Variants in ZFHX3 observed in about 807,000 individuals in gnomAD.
ZFHX3 encodes the protein zinc finger homeobox protein 3.
In ZFHX3, 42 loss-of-function variants were observed where a neutral mutation model predicts 279.1. That is an observed-to-expected ratio of 0.15 (90% CI 0.12 to 0.19). The LOEUF (loss-of-function observed/expected upper bound fraction) is 0.19. ZFHX3 is among the 10% of genes least tolerant of loss of function. The probability of loss-of-function intolerance (pLI) is 1.00; values close to 1 mark genes in which losing one functional copy is unlikely to be tolerated. For synonymous variants in ZFHX3, 2,293 were observed against 1,957.8 expected (o/e 1.17, Z -4.52); for missense variants, 4,981 against 4,754.0 (o/e 1.05, Z -1.40).
intron 6 of ZFHX3, among the ~76,000 whole-genome samples, chr16:73,143,546 G>A (rs943666320): frequency 6.6e-6 from 1 of 152,154 alleles, no homozygotes; most frequent in Non-Finnish European, 1.5e-5. Context: ...GAGAAATACG[G>A]CCCGAAAAAT....
Position 73,633,788 on chromosome 16 carries a change from C to T in ZFHX3, c.-1547+46392G>A, listed in dbSNP as rs1166713061. Reference sequence around the variant, plus strand: ...TGGCACATGCCTGTAATCCCAGATACTCAGGAGGCTGAGGTGAGAGAATCG... The same window carrying T: ...TGGCACATGCCTGTAATCCCAGATATTCAGGAGGCTGAGGTGAGAGAATCG... On this transcript the variant is annotated intron_variant, in intron 2 of 17. Transcript: ENST00000641206. Among the ~76,000 whole-genome samples the T allele has an allele frequency of 1.4e-4, 22 of 152,112 alleles. No individual in the cohort carries two copies. The East Asian group carries it at 4.3e-3, about 30-fold the overall frequency.
intron 2 of ZFHX3, among the ~76,000 whole-genome samples, chr16:73,496,304 G>A (rs931633464): frequency 6.6e-6 from 1 of 152,220 alleles, no homozygotes; most frequent in Non-Finnish European, 1.5e-5. Context: ...GCCGAGGCAG[G>A]CAGATCACTT....
intron 4 of ZFHX3, 22 bp from the exon 5 acceptor site, chr16:72,829,881 T>A (rs951638186): frequency 3.7e-6 from 6 of 1,613,724 alleles, no homozygotes; most frequent in East Asian, 2.2e-5. Context: ...GAAAAACATG[T>A]CAAGGGTTAA....
At chr16:73,334,240 A>G (rs895640120) in intron 3 of ZFHX3, among the ~76,000 whole-genome samples, 1 of 152,088 alleles carries the variant, frequency 6.6e-6, no homozygotes, top group Non-Finnish European at 1.5e-5. Flanking sequence ...TCTGCTGAGA[A>G]TAAGCCACAC....
intron 2 of ZFHX3, among the ~76,000 whole-genome samples, chr16:73,577,853 T>C (rs1022018045): frequency 6.6e-6 from 1 of 152,226 alleles, no homozygotes; most frequent in Non-Finnish European, 1.5e-5. Context: ...AAATCATTTG[T>C]ATGGAAGAAA....
chr16:73,306,724 C>T (rs948411400), intron 4 of ZFHX3, among the ~76,000 whole-genome samples: 21 of 152,154 alleles, frequency 1.4e-4, no homozygotes, highest in Admixed American at 1.4e-3. Flanking sequence ...AAGATCAAGG[C>T]CAATTTACCT....
chr16:73,565,522 T>A (rs547050738), intron 2 of ZFHX3, among the ~76,000 whole-genome samples: 1 of 152,298 alleles, frequency 6.6e-6, no homozygotes, highest in Admixed American at 6.5e-5. Context: ...CCTCGAATAC[T>A]CAAGGTTTTC....
At chr16:72,985,797 C>T (rs993208111) in intron 1 of ZFHX3, among the ~76,000 whole-genome samples, 7 of 152,066 alleles carry the variant, frequency 4.6e-5, no homozygotes, top group African/African-American at 1.7e-4. Context: ...TCCGCCCAAC[C>T]AGGGAAGGCA....
intron 4 of ZFHX3, 101 bp from the exon 5 acceptor site, chr16:72,829,960 A>G: frequency 8.4e-7 from 1 of 1,196,542 alleles, no homozygotes; most frequent in Non-Finnish European, 1.2e-6. Flanking sequence ...ACAGACACCA[A>G]TGACTCGTCC....
rs2144435131 is a variant in ZFHX3, at chr16:72,957,771, G to A, written c.2375C>T (p.Ala792Val). Residue 792 changes from alanine (A) to valine (V), a missense_variant, in exon 2 of 10, where the codon GCC (alanine) becomes GTC (valine). Physicochemically the swap from Ala to Val is moderately conservative, Grantham distance 64. Around this residue, in one of 7 missense-constraint regions of ZFHX3, gnomAD observed 1,751 missense variants for 1,770.0 expected, o/e 0.99. Coordinates refer to ENST00000268489, the MANE Select transcript of ZFHX3 (RefSeq NM_006885.4). ...AAANISSSCGAPSPTKPKTKP... is the reference protein window; with the variant it reads ...AAANISSSCGVPSPTKPKTKP... ...GGTTTTTGGTTTGGTCGGCGAGGGG[G>A]CCCCGCAGGAGCTACTGATATTGGC... 1.2e-6 allele frequency: 2 copies of A among 1,614,060 alleles called. No homozygotes were observed. The highest frequency in any genetic ancestry group is 8.5e-7 in the Non-Finnish European group (1 of 1,180,020).
At chr16:72,809,227 G>T (rs2036364202) in intron 7 of ZFHX3, 1 of 152,124 alleles carries the variant, frequency 6.6e-6, no homozygotes, top group Non-Finnish European at 1.5e-5. Flanking sequence ...GATTACTATA[G>T]GCCCACAGTC....
At chr16:73,288,677 C>G (rs1362081661) in intron 4 of ZFHX3, among the ~76,000 whole-genome samples, 1 of 152,138 alleles carries the variant, frequency 6.6e-6, no homozygotes, top group Non-Finnish European at 1.5e-5. Context: ...ATGTCTTGGA[C>G]TGCTTCGTTT....
At chr16:73,150,852 T>G (rs1018625074) in intron 5 of ZFHX3, among the ~76,000 whole-genome samples, 2 of 152,204 alleles carry the variant, frequency 1.3e-5, no homozygotes, top group African/African-American at 2.4e-5. Context: ...GAACTGGATT[T>G]CTTTGTAAAT....
chr16:73,682,092 G>C (rs1293357349), intron 1 of ZFHX3, among the ~76,000 whole-genome samples: 3 of 152,204 alleles, frequency 2.0e-5, no homozygotes, highest in Non-Finnish European at 4.4e-5. Context: ...CAGCAAAGCA[G>C]TAGTGTACTT....
chr16:73,553,193 CTT>C (rs748858336), intron 2 of ZFHX3, among the ~76,000 whole-genome samples: 4 of 141,224 alleles, frequency 2.8e-5, no homozygotes, highest in Non-Finnish European at 3.1e-5. Context: ...CGTGTAACTC[CTT>C]TTTTTTTTTT....
intron 1 of ZFHX3, among the ~76,000 whole-genome samples, chr16:73,869,075 T>C (rs1490042798): frequency 6.6e-6 from 1 of 152,170 alleles, no homozygotes; most frequent in Non-Finnish European, 1.5e-5. Context: ...CACTATTCTT[T>C]AAGAATATGT....
intron 2 of ZFHX3, among the ~76,000 whole-genome samples, chr16:73,600,667 G>A (rs954516569): frequency 3.3e-5 from 5 of 152,110 alleles, no homozygotes; most frequent in Non-Finnish European, 7.4e-5. Flanking sequence ...TGATCCGCCC[G>A]CCTCGGCCTC....
chr16:73,092,902 C>G (rs536361077), intron 8 of ZFHX3: 79 of 519,820 alleles, frequency 1.5e-4, no homozygotes, highest in South Asian at 1.1e-3. Flanking sequence ...CCCACGCGCT[C>G]CTGTTTTCCC....
chr16:73,026,688 A>AAAAAAAAAAAAC (rs1964520222), intron 1 of ZFHX3, among the ~76,000 whole-genome samples: 1 of 151,736 alleles, frequency 6.6e-6, no homozygotes, highest in Admixed American at 6.6e-5. Context: ...AAAAAAAAAA[A>AAAAAAAAAAAAC]AAAAAAACAC....
Sources: gnomAD v4.1 joint callset for allele counts (sites outside exome capture counted in the v4.1 genomes callset) on GRCh38, gnomAD v4.1.1 for gene constraint, gnomAD v4.1.1 regional missense constraint, MANE v1.5 for transcripts, NCBI Gene and HGNC (gene_info 2026-07-23, HGNC 2026-07-21) for gene names.